GGACT: variants seen among roughly 807,000 people sequenced by gnomAD.
GGACT encodes gamma-glutamylaminecyclotransferase.
For synonymous variants in GGACT, 118 were observed against 115.3 expected (o/e 1.02, Z -0.15); for missense variants, 241 against 233.2 (o/e 1.03, Z -0.22).
chr13:100,530,357 T>C lies in GGACT; in HGVS notation c.*1773A>G. 1 of 644,276 alleles carries C rather than the reference T, an allele frequency of 1.6e-6. No homozygotes were observed. The highest frequency in any genetic ancestry group is 2.8e-6 in the Non-Finnish European group (1 of 355,734). The allele number at this position is 644,276 out of a possible 1,614,324, so 39.9% of individuals were successfully genotyped here. A position where few individuals can be genotyped will look rare whatever the true frequency, so the allele number is the denominator to read the frequency against. On this transcript the variant is annotated 3_prime_UTR_variant, in exon 3 of 3. Transcript: ENST00000683975. ...TGGAAATTTTCATTGATATAAATAC[T>C]TGTACATATGATTTGTACTTCTGCT...
intron 2 of GGACT, among the ~76,000 whole-genome samples, chr13:100,572,012 A>G (rs1875096572): frequency 6.6e-6 from 1 of 152,186 alleles, no homozygotes; most frequent in Non-Finnish European, 1.5e-5. Flanking sequence ...CTTTATTATG[A>G]AATTTAACCT....
At chr13:100,574,864 T>A (rs1277786503) in intron 2 of GGACT, among the ~76,000 whole-genome samples, 1 of 151,974 alleles carries the variant, frequency 6.6e-6, no homozygotes. Context: ...ATATAAATCA[T>A]ACTTATGTGT....
intron 2 of GGACT, among the ~76,000 whole-genome samples, chr13:100,551,006 C>T (rs562672846): frequency 1.3e-5 from 2 of 152,212 alleles, no homozygotes; most frequent in South Asian, 4.2e-4. Flanking sequence ...ACAACAAGGC[C>T]GGGCGCGGTG....
At chr13:100,566,633 G>T (rs1054174029) in intron 2 of GGACT, among the ~76,000 whole-genome samples, 1 of 9,272 alleles carries the variant, frequency 1.1e-4, no homozygotes, top group Non-Finnish European at 1.1e-3. Context: ...CTCAGCCCTG[G>T]TAACTGGGTG....
In GGACT at chr13:100,588,755, G is replaced by A. The variant is rs573974651; in HGVS notation, c.-198C>T. The A allele has an allele frequency of 6.6e-6, 1 of 151,792 alleles. No homozygotes were observed. The highest frequency in any genetic ancestry group is 1.5e-5 in the Non-Finnish European group (1 of 67,926). 9.4% of individuals were successfully genotyped at this position (151,792 alleles called of 1,614,324 possible). ...CAGCGCCTCACCTGCCGGCAGCCGG[G>A]GCTGTCGGGGAGGGCAGGGCCAGGG... is the stretch of plus-strand genomic sequence containing the variant. On this transcript the variant is annotated 5_prime_UTR_variant, in exon 1 of 3. Coordinates refer to ENST00000683975, the MANE Select transcript of GGACT (RefSeq NM_001195087.2).
chr13:100,539,210 C>A (rs2088526354), intron 2 of GGACT: 1 of 152,128 alleles, frequency 6.6e-6, no homozygotes, highest in Admixed American at 6.5e-5. Flanking sequence ...CTTTTTCTTG[C>A]CTGATTGCTC....
chr13:100,547,310 G>A (rs143884918), intron 2 of GGACT, among the ~76,000 whole-genome samples: 13 of 152,310 alleles, frequency 8.5e-5, no homozygotes, highest in African/African-American at 3.1e-4. Flanking sequence ...CAGAGGGGGT[G>A]GGGTACTTGC....
In GGACT at chr13:100,534,679, C is replaced by T. The variant is rs1392558390; in HGVS notation, c.-10-2078G>A. 2.0e-5 allele frequency among the ~76,000 whole-genome samples: 3 copies of T among 152,154 alleles called. No individual in the cohort carries two copies. Among genetic ancestry groups the T allele is most frequent in the African/African-American group, 7.2e-5 (3 of 41,418 alleles). Reference sequence around the variant, plus strand: ...GAAGGATTCATGTCCCTCCCCACACCTGCATCCCAGCCCCCAGCGAGACCC... The same window carrying T: ...GAAGGATTCATGTCCCTCCCCACACTTGCATCCCAGCCCCCAGCGAGACCC... On this transcript the variant is annotated intron_variant, in intron 2 of 2. Coordinates refer to ENST00000683975, the MANE Select transcript of GGACT (RefSeq NM_001195087.2). The surrounding 1 kb of genome is among the most constrained non-coding windows in gnomAD (Gnocchi z 4.9).
chr13:100,580,655 G>A (rs1007967411), intron 2 of GGACT, among the ~76,000 whole-genome samples: 5 of 152,218 alleles, frequency 3.3e-5, no homozygotes, highest in African/African-American at 1.2e-4. Flanking sequence ...GGATAGCAAA[G>A]GCTGCCTTGG....
intron 2 of GGACT, among the ~76,000 whole-genome samples, chr13:100,578,579 A>G (rs1288122398): frequency 6.6e-6 from 1 of 152,208 alleles, no homozygotes; most frequent in African/African-American, 2.4e-5. Context: ...TGCTGTTCAC[A>G]ATTCTTCCTA....
At chr13:100,584,075 T>A (rs527948304) in intron 1 of GGACT, 78 bp from the exon 2 acceptor site, 2 of 152,186 alleles carry the variant, frequency 1.3e-5, no homozygotes, top group South Asian at 4.1e-4. Flanking sequence ...CAAACAAACA[T>A]AAATGACCTA....
At chr13:100,561,208 T>G (rs2088756749) in intron 2 of GGACT, among the ~76,000 whole-genome samples, 1 of 152,360 alleles carries the variant, frequency 6.6e-6, no homozygotes, top group South Asian at 2.1e-4. Flanking sequence ...AAGCTTTCCT[T>G]GAACGTTGTG....
At chr13:100,579,367 T>C (rs981939027) in intron 2 of GGACT, among the ~76,000 whole-genome samples, 8 of 152,130 alleles carry the variant, frequency 5.3e-5, no homozygotes, top group Non-Finnish European at 5.9e-5. Flanking sequence ...TCTCTCTGAC[T>C]TTCTCCTGCG....
intron 2 of GGACT, chr13:100,539,798 A>G: frequency 1.5e-6 from 1 of 684,912 alleles, no homozygotes; most frequent in Non-Finnish European, 2.5e-6. Context: ...TTACCAGTGA[A>G]GCCATCTGGT....
chr13:100,565,944 TC>T (rs1237108365), intron 2 of GGACT, among the ~76,000 whole-genome samples: 10 of 152,104 alleles, frequency 6.6e-5, no homozygotes, highest in African/African-American at 2.4e-4. Flanking sequence ...TCCTGGGAGC[TC>T]TCTGCCGCTC....
chr13:100,552,257 A>G (rs1296333221), intron 2 of GGACT, among the ~76,000 whole-genome samples: 1 of 152,204 alleles, frequency 6.6e-6, no homozygotes, highest in Non-Finnish European at 1.5e-5. Context: ...TGGGCCTCCA[A>G]CAGCCCCGTG....
chr13:100,562,180 T>G (rs2088768102), intron 2 of GGACT, among the ~76,000 whole-genome samples: 1 of 152,106 alleles, frequency 6.6e-6, no homozygotes, highest in African/African-American at 2.4e-5. Flanking sequence ...GAAATTTTAT[T>G]CTTCTATAAA....
chr13:100,546,800 GTC>G (rs2088609451), intron 2 of GGACT, among the ~76,000 whole-genome samples: 1 of 152,264 alleles, frequency 6.6e-6, no homozygotes, highest in Non-Finnish European at 1.5e-5. Context: ...CCTCTTCTAG[GTC>G]TCTCGACTGC....
intron 2 of GGACT, among the ~76,000 whole-genome samples, chr13:100,548,361 C>T (rs2088627837): frequency 6.6e-6 from 1 of 152,138 alleles, no homozygotes; most frequent in African/African-American, 2.4e-5. Flanking sequence ...GTTTTGCCTT[C>T]TTAAGTGAGA....
Sources: gnomAD v4.1 joint callset for allele counts (sites outside exome capture counted in the v4.1 genomes callset) on GRCh38, gnomAD v4.1.1 for gene constraint, Gnocchi (gnomAD v3.1) non-coding constraint, MANE v1.5 for transcripts, NCBI Gene and HGNC (gene_info 2026-07-23, HGNC 2026-07-21) for gene names.